CTNNA1: variants seen among roughly 807,000 people sequenced by gnomAD.
CTNNA1 encodes catenin alpha-1.
A neutral mutation model predicts 98.4 loss-of-function variants in CTNNA1; 37 were observed. The observed-to-expected ratio is 0.38, with a 90% CI of 0.29 to 0.49. The LOEUF (loss-of-function observed/expected upper bound fraction) is 0.49. Ranked by LOEUF, CTNNA1 falls within the 20% of genes least tolerant of loss-of-function variation. The probability of loss-of-function intolerance (pLI) is 0.95; values close to 1 mark genes in which losing one functional copy is unlikely to be tolerated. For missense variants in CTNNA1, 761 were observed against 1,147.2 expected (o/e 0.66, Z 4.86); for synonymous variants, 404 against 413.2 (o/e 0.98, Z 0.27).
intron 7 of CTNNA1, among the ~76,000 whole-genome samples, chr5:138,836,235 C>G (rs1761759944): frequency 6.6e-6 from 1 of 152,158 alleles, no homozygotes; most frequent in South Asian, 2.1e-4. Flanking sequence ...ATATGGTAAC[C>G]CACCTTTCTA....
intron 7 of CTNNA1, among the ~76,000 whole-genome samples, chr5:138,862,943 C>G (rs1764423236): frequency 6.6e-6 from 1 of 152,136 alleles, no homozygotes; most frequent in East Asian, 1.9e-4. Context: ...AATAATAAAA[C>G]AGTTTTGAGC....
rs1751177945 is a variant in CTNNA1 at position 138,874,984 on chromosome 5, T to C, written c.1063-11228T>C. On this transcript the variant is annotated intron_variant, in intron 7 of 17. Coordinates refer to ENST00000302763, the MANE Select transcript of CTNNA1 (RefSeq NM_001903.5). The surrounding 1 kb of genome is among the most constrained non-coding windows in gnomAD (Gnocchi z 4.1). Reference sequence around the variant, plus strand: ...AACGCAGTGAGTCTGTAAAAGGCTCTAACATGTAGGAGCCTTTGACCAGTT... The same window carrying C: ...AACGCAGTGAGTCTGTAAAAGGCTCCAACATGTAGGAGCCTTTGACCAGTT... 12 of 1,509,394 alleles carry C rather than the reference T, an allele frequency of 8.0e-6. No homozygotes were observed. The highest frequency in any genetic ancestry group is 2.8e-5 in the African/African-American group (2 of 72,690). The allele number at this position is 1,509,394 out of a possible 1,614,324, so 93.5% of individuals were successfully genotyped here. A position where few individuals can be genotyped will look rare whatever the true frequency, so the allele number is the denominator to read the frequency against.
chr5:138,884,321 G>A (rs1581460207), intron 7 of CTNNA1, among the ~76,000 whole-genome samples: 1 of 152,166 alleles, frequency 6.6e-6, no homozygotes, highest in East Asian at 1.9e-4. Flanking sequence ...GGGAAGCCAA[G>A]GTTCTTGTTA....
At chr5:138,883,128 A>G (rs1753298891) in intron 7 of CTNNA1, among the ~76,000 whole-genome samples, 1 of 152,140 alleles carries the variant, frequency 6.6e-6, no homozygotes, top group Non-Finnish European at 1.5e-5. Flanking sequence ...CAGCCTCCCA[A>G]AGTGCTAGGA....
intron 7 of CTNNA1, among the ~76,000 whole-genome samples, chr5:138,851,911 A>G (rs1041309186): frequency 2.0e-5 from 3 of 151,518 alleles, no homozygotes; most frequent in African/African-American, 7.3e-5. Flanking sequence ...AAACAAAACA[A>G]AACAAAAAAT....
chr5:138,807,008 C>CTTTT (rs1321047490), intron 3 of CTNNA1, among the ~76,000 whole-genome samples: 24 of 111,476 alleles, frequency 2.2e-4, no homozygotes, highest in South Asian at 6.1e-4. Context: ...AGATGTTGGA[C>CTTTT]TTTTTTTTTT....
intron 7 of CTNNA1, among the ~76,000 whole-genome samples, chr5:138,854,016 A>G (rs1381900258): frequency 1.3e-5 from 2 of 152,190 alleles, no homozygotes; most frequent in East Asian, 3.8e-4. Flanking sequence ...CCAATCATAG[A>G]GCTGGGTTAG....
At position 138,873,547 on chromosome 5, in the gene CTNNA1, T is replaced by C. The variant is rs556094863; in HGVS notation, c.1063-12665T>C. The C allele has an allele frequency of 1.2e-6, 2 of 1,613,952 alleles. No individual in the cohort carries two copies. The highest frequency in any genetic ancestry group is 2.7e-5 in the African/African-American group (2 of 75,050). On this transcript the variant is annotated intron_variant, in intron 7 of 17. Transcript: ENST00000302763. The surrounding 1 kb of genome is among the most constrained non-coding windows in gnomAD (Gnocchi z 6.1). ...CTTGGGTGTGGTCAGGACTGTGGCA[T>C]AGGATGGAGTGTTCCCACCGACCTT...
intron 5 of CTNNA1, among the ~76,000 whole-genome samples, chr5:138,814,250 C>CTTTTTTTTT (rs201780214): frequency 7.3e-6 from 1 of 136,712 alleles, no homozygotes; most frequent in South Asian, 2.3e-4. Flanking sequence ...GCTCAGTGTG[C>CTTTTTTTTT]TTTTTTTTTT....
intron 7 of CTNNA1, among the ~76,000 whole-genome samples, chr5:138,857,449 T>C (rs1763828274): frequency 6.6e-6 from 1 of 152,076 alleles, no homozygotes; most frequent in Non-Finnish European, 1.5e-5. Context: ...TGTACCAAGC[T>C]CAAAGCTCAT....
intron 1 of CTNNA1, 200 bp downstream of exon 1, chr5:138,753,710 A>T (rs1275595553): frequency 1.2e-5 from 4 of 320,726 alleles, no homozygotes; most frequent in African/African-American, 8.8e-5. Context: ...CTTCCCCCGC[A>T]GGGCCCGAGT....
intron 5 of CTNNA1, among the ~76,000 whole-genome samples, chr5:138,819,870 T>A (rs918973189): frequency 9.8e-6 from 1 of 102,318 alleles, no homozygotes; most frequent in African/African-American, 3.8e-5. Flanking sequence ...GGGGGGTGAG[T>A]GGGGGGATTT....
chr5:138,895,778 AAGTTGTCC>A lies in CTNNA1; in HGVS notation c.1296+8138_1296+8145del, dbSNP rs545023926. ...GAAATTGTACTGAGGTGATACGTGCAAGTTGTCCATTTTATCAGAGTTTGAAATGAAAG... is the reference window on the plus strand; with the variant it reads ...GAAATTGTACTGAGGTGATACGTGCAATTTTATCAGAGTTTGAAATGAAAG... On this transcript the variant is annotated intron_variant, in intron 9 of 17. Coordinates refer to ENST00000302763, the MANE Select transcript of CTNNA1 (RefSeq NM_001903.5). Among the ~76,000 whole-genome samples, 18 of 152,314 alleles carry A rather than the reference AAGTTGTCC, an allele frequency of 1.2e-4. No individual in the cohort carries two copies. In the South Asian group the frequency reaches 2.9e-3, roughly 25 times the overall value.
At chr5:138,807,872 C>T (rs1758261356) in intron 3 of CTNNA1, among the ~76,000 whole-genome samples, 1 of 151,918 alleles carries the variant, frequency 6.6e-6, no homozygotes, top group African/African-American at 2.4e-5. Flanking sequence ...CTCAGCCTCC[C>T]GAGTAGCTGG....
At chr5:138,913,835 A>G (rs1187834094) in intron 10 of CTNNA1, among the ~76,000 whole-genome samples, 5 of 152,178 alleles carry the variant, frequency 3.3e-5, no homozygotes, top group Non-Finnish European at 7.3e-5. Context: ...GGATGATTAA[A>G]GTAGCATGTT....
chr5:138,784,747 A>T (rs372510993), intron 3 of CTNNA1, among the ~76,000 whole-genome samples: 1 of 152,188 alleles, frequency 6.6e-6, no homozygotes, highest in African/African-American at 2.4e-5. Flanking sequence ...GAATCTGTGG[A>T]TGCCTCTTTC....
intron 4 of CTNNA1, chr5:138,811,911 A>G (rs1369693038): frequency 3.3e-6 from 1 of 303,956 alleles, no homozygotes; most frequent in Non-Finnish European, 6.3e-6. Context: ...AGACCGTGGA[A>G]AGAGAGGGAG....
At chr5:138,791,541 C>T (rs550303328) in intron 3 of CTNNA1, among the ~76,000 whole-genome samples, 44 of 128,484 alleles carry the variant, frequency 3.4e-4, no homozygotes, top group Non-Finnish European at 4.8e-4. Context: ...TGCTTGAGCC[C>T]GGAAGGCAGA....
chr5:138,909,074 C>T (rs1759972890), intron 10 of CTNNA1, among the ~76,000 whole-genome samples: 2 of 152,064 alleles, frequency 1.3e-5, no homozygotes, highest in South Asian at 4.1e-4. Flanking sequence ...GAAACAAAAA[C>T]ACAAAAACCC....
Sources: allele counts gnomAD v4.1 joint callset (sites outside exome capture counted in the v4.1 genomes callset), GRCh38; gene constraint gnomAD v4.1.1; non-coding constraint Gnocchi (gnomAD v3.1); transcripts MANE v1.5; gene names NCBI Gene and HGNC (gene_info 2026-07-23, HGNC 2026-07-21).